Variants in PRKG1 observed in about 807,000 individuals in gnomAD.
PRKG1 encodes cGMP-dependent protein kinase 1.
Under a neutral mutation model 88.1 loss-of-function variants are expected in PRKG1, and 35 were observed. The ratio of observed to expected loss-of-function variants is 0.40; its 90% confidence interval spans 0.30 to 0.53. The LOEUF is 0.53. Ranked by LOEUF, PRKG1 falls within the 20% of genes least tolerant of loss-of-function variation. The pLI is 0.59. For missense variants in PRKG1, 540 were observed against 839.8 expected (o/e 0.64, Z 4.41); for synonymous variants, 303 against 292.5 (o/e 1.04, Z -0.37).
chr10:51,777,454 A>T (rs1471479857), intron 3 of PRKG1, among the ~76,000 whole-genome samples: 1 of 152,100 alleles, frequency 6.6e-6, no homozygotes, highest in African/African-American at 2.4e-5. Context: ...TATTTTGAAT[A>T]GACTTTATTT....
Position 50,991,652 on chromosome 10 carries a change from C to G in PRKG1, c.266+8C>G. On this transcript the variant is annotated splice_region_variant and intron_variant, in intron 1 of 17. Transcript: ENST00000401604. The surrounding 1 kb of genome is among the most constrained non-coding windows in gnomAD (Gnocchi z 4.5). Reference sequence around the variant, plus strand: ...GTTCACCAAGTCCGAAAGGTAGGCGCGGAGGCCGTGGGCCCGGGCGCTCGT... The same window carrying G: ...GTTCACCAAGTCCGAAAGGTAGGCGGGGAGGCCGTGGGCCCGGGCGCTCGT... The G allele has an allele frequency of 6.7e-7, 1 of 1,501,944 alleles. No homozygotes were observed. Among genetic ancestry groups the G allele is most frequent in the Non-Finnish European group, 8.9e-7 (1 of 1,122,952 alleles). 93.0% of individuals were successfully genotyped at this position (1,501,944 alleles called of 1,614,324 possible). A position where few individuals can be genotyped will look rare whatever the true frequency, so the allele number is the denominator to read the frequency against.
At chr10:51,709,151 G>A (rs1316554101) in intron 3 of PRKG1, among the ~76,000 whole-genome samples, 2 of 152,104 alleles carry the variant, frequency 1.3e-5, no homozygotes, top group African/African-American at 4.8e-5. Flanking sequence ...GTTTAAATGT[G>A]GACTTCCAGT....
At chr10:51,545,417 C>T (rs963176477) in intron 3 of PRKG1, among the ~76,000 whole-genome samples, 3 of 152,126 alleles carry the variant, frequency 2.0e-5, no homozygotes, top group African/African-American at 7.2e-5. Flanking sequence ...TGTGAGTGCT[C>T]TTCACTGCTT....
intron 5 of PRKG1, among the ~76,000 whole-genome samples, chr10:52,013,411 T>A (rs1446070300): frequency 7.1e-6 from 1 of 141,494 alleles, no homozygotes; most frequent in African/African-American, 2.7e-5. Flanking sequence ...AGAGCGAGAC[T>A]CCGTCTCAAA....
intron 3 of PRKG1, among the ~76,000 whole-genome samples, chr10:51,716,849 C>A (rs987053378): frequency 1.3e-5 from 2 of 152,086 alleles, no homozygotes; most frequent in Admixed American, 1.3e-4. Context: ...CAGGCCACCA[C>A]GCCCGCCTGG....
intron 3 of PRKG1, among the ~76,000 whole-genome samples, chr10:51,542,084 T>C (rs1842317918): frequency 6.6e-6 from 1 of 152,102 alleles, no homozygotes. Context: ...GATTAAATTT[T>C]CTTTAGAAAC....
rs1589122643 is a variant in PRKG1 at position 51,048,042 on chromosome 10, T to C, written c.266+56398T>C. Among the ~76,000 whole-genome samples the C allele has an allele frequency of 2.0e-5, 3 of 152,340 alleles. No individual in the cohort carries two copies. In the East Asian group the frequency reaches 5.8e-4, roughly 29 times the overall value. Reference sequence around the variant, plus strand: ...CAGAAGTGGCCTGTGATATTAATACTTAGTTTTCATAGCACATAGAGCCAT... The same window carrying C: ...CAGAAGTGGCCTGTGATATTAATACCTAGTTTTCATAGCACATAGAGCCAT... On this transcript the variant is annotated intron_variant, in intron 1 of 17. Coordinates refer to the PRKG1 transcript ENST00000401604.
intron 5 of PRKG1, chr10:51,907,779 T>C (rs1006786950): frequency 9.3e-6 from 4 of 430,566 alleles, no homozygotes; most frequent in African/African-American, 6.1e-5. Context: ...AACCTAATTA[T>C]AGAGGGAGAC....
At position 52,023,848 on chromosome 10, in the gene PRKG1, C is replaced by T. The variant is rs187713527; in HGVS notation, c.763-30636C>T. 4.4e-3 allele frequency among the ~76,000 whole-genome samples: 673 copies of T among 152,232 alleles called. 8 individuals carry two copies. The highest frequency in any genetic ancestry group is 0.016 in the African/African-American group (644 of 41,530). On this transcript the variant is annotated intron_variant, in intron 5 of 17. Coordinates refer to ENST00000373980, the MANE Select transcript of PRKG1 (RefSeq NM_006258.4). Reference sequence around the variant, plus strand: ...GATGGATAGATTGCAAAAATTTTCTCGCATTCTGGAGGTTGCCTATTTACT... The same window carrying T: ...GATGGATAGATTGCAAAAATTTTCTTGCATTCTGGAGGTTGCCTATTTACT...
intron 4 of PRKG1, 28 bp downstream of exon 4, chr10:51,804,718 A>T: frequency 1.4e-6 from 2 of 1,455,466 alleles, no homozygotes; most frequent in East Asian, 2.3e-5. Context: ...CTCTTGTGAG[A>T]GTGTTTACTT....
chr10:51,622,790 C>T (rs1342455679), intron 3 of PRKG1, among the ~76,000 whole-genome samples: 1 of 152,126 alleles, frequency 6.6e-6, no homozygotes, highest in African/African-American at 2.4e-5. Context: ...GTCAGAAAGC[C>T]AATCATATTT....
intron 4 of PRKG1, among the ~76,000 whole-genome samples, chr10:51,887,057 C>T (rs1003522793): frequency 2.0e-5 from 3 of 152,212 alleles, no homozygotes; most frequent in Admixed American, 6.5e-5. Context: ...TGCATCTCCA[C>T]TCACTGCAAC....
intron 1 of PRKG1, among the ~76,000 whole-genome samples, chr10:51,064,712 C>T (rs944828717): frequency 6.6e-6 from 1 of 151,916 alleles, no homozygotes; most frequent in African/African-American, 2.4e-5. Context: ...TTCTTTTTTG[C>T]ATTAACAAAC....
At chr10:51,450,988 CTT>C (rs1012966376) in intron 2 of PRKG1, among the ~76,000 whole-genome samples, 1 of 151,748 alleles carries the variant, frequency 6.6e-6, no homozygotes, top group African/African-American at 2.4e-5. Flanking sequence ...GGTTATTAAT[CTT>C]TTTTGTGCTA....
At chr10:52,273,274 G>GAAT (rs1054331727) in intron 12 of PRKG1, among the ~76,000 whole-genome samples, 4 of 151,442 alleles carry the variant, frequency 2.6e-5, no homozygotes, top group African/African-American at 9.7e-5. Context: ...ATTTTCCTAT[G>GAAT]AATAATCTTT....
At chr10:51,860,516 G>A (rs566777629) in intron 4 of PRKG1, among the ~76,000 whole-genome samples, 1 of 152,242 alleles carries the variant, frequency 6.6e-6, no homozygotes, top group East Asian at 1.9e-4. Context: ...TTCCAAACAG[G>A]GTGGGGGAGT....
intron 7 of PRKG1, among the ~76,000 whole-genome samples, chr10:52,129,245 C>T (rs1837189436): frequency 6.6e-6 from 1 of 151,980 alleles, no homozygotes; most frequent in Admixed American, 6.6e-5. Flanking sequence ...ATTTAATAAC[C>T]CAGATTTATT....
At chr10:51,055,185 C>T (rs902322978) in intron 1 of PRKG1, among the ~76,000 whole-genome samples, 2 of 152,074 alleles carry the variant, frequency 1.3e-5, no homozygotes, top group African/African-American at 4.8e-5. Flanking sequence ...GGATGTGCTG[C>T]CATGTGAAGC....
intron 3 of PRKG1, among the ~76,000 whole-genome samples, chr10:51,728,280 T>G (rs1048567911): frequency 6.6e-6 from 1 of 151,998 alleles, no homozygotes; most frequent in Non-Finnish European, 1.5e-5. Context: ...TTGCCTATAA[T>G]GCCCCCAAAT....
Sources: allele counts gnomAD v4.1 joint callset (sites outside exome capture counted in the v4.1 genomes callset), GRCh38; gene constraint gnomAD v4.1.1; non-coding constraint Gnocchi (gnomAD v3.1); transcripts MANE v1.5; gene names NCBI Gene and HGNC (gene_info 2026-07-23, HGNC 2026-07-21).